The following ENOX1 variants were observed in gnomAD, a reference collection of about 807,000 sequenced individuals.
The protein encoded by ENOX1 is candidate growth-related and time keeping constitutive hydroquinone (NADH) oxidase.
In ENOX1, 42 loss-of-function variants were observed where a neutral mutation model predicts 82.5. The ratio of observed to expected loss-of-function variants is 0.51; its 90% confidence interval spans 0.40 to 0.66. ENOX1 has a LOEUF of 0.66. Among genes scored for constraint, ENOX1 ranks in the 30% least tolerant of loss-of-function variants. The pLI, the probability that ENOX1 is intolerant of heterozygous loss-of-function variation, is 0.00. For missense variants in ENOX1, 608 were observed against 811.6 expected, an observed-to-expected ratio of 0.75 and a Z score of 3.05; for synonymous variants, 271 against 282.2, an observed-to-expected ratio of 0.96 and a Z score of 0.40.
intron 2 of ENOX1, among the ~76,000 whole-genome samples, chr13:43,537,124 T>A (rs1425219194): frequency 6.6e-6 from 1 of 152,180 alleles, no homozygotes; most frequent in Admixed American, 6.5e-5. Context: ...AATGCAGAGC[T>A]AATAATTCAG....
intron 2 of ENOX1, among the ~76,000 whole-genome samples, chr13:43,621,929 T>C (rs2082749181): frequency 6.6e-6 from 1 of 152,228 alleles, no homozygotes; most frequent in African/African-American, 2.4e-5. Flanking sequence ...CCCAGACTTC[T>C]TGGATGCTCT....
intron 6 of ENOX1, among the ~76,000 whole-genome samples, chr13:43,360,553 A>G (rs1188392487): frequency 6.6e-6 from 1 of 152,200 alleles, no homozygotes; most frequent in East Asian, 1.9e-4. Flanking sequence ...CTTTGTTATT[A>G]TTCACATTTA....
chr13:43,727,020 G>A (rs914081440), intron 1 of ENOX1, among the ~76,000 whole-genome samples: 6 of 152,136 alleles, frequency 3.9e-5, no homozygotes, highest in Admixed American at 6.5e-5. Flanking sequence ...GGGATTACAG[G>A]CGTGTGCATG....
intron 2 of ENOX1, among the ~76,000 whole-genome samples, chr13:43,579,444 A>G (rs1182301220): frequency 6.6e-6 from 1 of 152,244 alleles, no homozygotes; most frequent in Admixed American, 6.5e-5. Context: ...GCTGAGAAGT[A>G]CACAGTACAC....
chr13:43,786,951 G>A lies in ENOX1; in HGVS notation c.-584C>T, dbSNP rs1365630334. ...TCCGCGGCTGGAGGCGCGCGGGCGT[G>A]CGCACGCGCGCCTGCGAGTGTGAGT... On this transcript the variant is annotated 5_prime_UTR_variant, in exon 1 of 17. Transcript: ENST00000690772. This position sits in a 1 kb window ranked among gnomAD's most constrained non-coding sequence, Gnocchi z 6.0. The A allele has an allele frequency of 6.6e-6, 1 of 150,780 alleles. No homozygotes were observed. Among genetic ancestry groups the A allele is most frequent in the Non-Finnish European group, 1.5e-5 (1 of 67,558 alleles). 9.3% of individuals were successfully genotyped at this position (150,780 alleles called of 1,614,324 possible). A position where few individuals can be genotyped will look rare whatever the true frequency, so the allele number is the denominator to read the frequency against.
At chr13:43,456,253 A>G (rs1170343048) in intron 3 of ENOX1, among the ~76,000 whole-genome samples, 1 of 151,810 alleles carries the variant, frequency 6.6e-6, no homozygotes, top group Non-Finnish European at 1.5e-5. Context: ...TTTGATCTCT[A>G]TATTTTATTC....
At chr13:43,646,350 T>C (rs2083894412) in intron 2 of ENOX1, among the ~76,000 whole-genome samples, 1 of 152,212 alleles carries the variant, frequency 6.6e-6, no homozygotes, top group Admixed American at 6.5e-5. Flanking sequence ...TAAATAAGTG[T>C]TTGCAGATGT....
intron 1 of ENOX1, among the ~76,000 whole-genome samples, 172 bp from the exon 2 acceptor site, chr13:43,667,716 A>G (rs2085055681): frequency 6.6e-6 from 1 of 152,192 alleles, no homozygotes; most frequent in African/African-American, 2.4e-5. Context: ...AGGTCTCCGC[A>G]TGGTGCTAAC....
At chr13:43,519,969 C>T (rs2077699974) in intron 2 of ENOX1, among the ~76,000 whole-genome samples, 2 of 152,098 alleles carry the variant, frequency 1.3e-5, no homozygotes, top group Admixed American at 6.6e-5. Flanking sequence ...TCCTTGAATG[C>T]TTTACCTTGC....
At chr13:43,554,884 C>G (rs565689940) in intron 2 of ENOX1, among the ~76,000 whole-genome samples, 1 of 152,152 alleles carries the variant, frequency 6.6e-6, no homozygotes, top group Admixed American at 6.6e-5. Context: ...CTGGCCCTAA[C>G]CAGGTTTTTT....
At chr13:43,330,815 T>C (rs2048370234) in intron 9 of ENOX1, among the ~76,000 whole-genome samples, 1 of 152,202 alleles carries the variant, frequency 6.6e-6, no homozygotes, top group Non-Finnish European at 1.5e-5. Context: ...CTTACACATA[T>C]GTATGTGTGG....
At chr13:43,699,274 T>C (rs992043689) in intron 1 of ENOX1, among the ~76,000 whole-genome samples, 2 of 152,182 alleles carry the variant, frequency 1.3e-5, no homozygotes, top group African/African-American at 4.8e-5. Flanking sequence ...CACTTCGTTT[T>C]TATACACTTC....
In ENOX1 at chr13:43,616,137, T is replaced by TAG. The variant is rs2082427257; in HGVS notation, c.-219+51341_-219+51342insCT. ...CTATAGATCTATAGATATCTATCTA[T>TAG]CTAGATATCTATATAGATAGATATC... is the stretch of plus-strand genomic sequence containing the variant. On this transcript the variant is annotated intron_variant, in intron 2 of 16. Coordinates refer to ENST00000690772, the MANE Select transcript of ENOX1 (RefSeq NM_001347969.2). Among the ~76,000 whole-genome samples the TAG allele has an allele frequency of 2.2e-4, 3 of 13,840 alleles. 1 individual carries two copies. Among genetic ancestry groups the TAG allele is most frequent in the Non-Finnish European group, 3.4e-4 (2 of 5,904 alleles). The allele number at this position is 13,840 out of a possible 152,430, so 9.1% of individuals were successfully genotyped here.
At chr13:43,551,066 A>C (rs1190044200) in intron 2 of ENOX1, among the ~76,000 whole-genome samples, 1 of 152,208 alleles carries the variant, frequency 6.6e-6, no homozygotes, top group Non-Finnish European at 1.5e-5. Flanking sequence ...GTAATTTTGC[A>C]TAACTCTTAA....
At chr13:43,269,088 C>T (rs1176658703) in intron 13 of ENOX1, among the ~76,000 whole-genome samples, 3 of 152,198 alleles carry the variant, frequency 2.0e-5, no homozygotes, top group African/African-American at 4.8e-5. Context: ...AGTCCTTGTT[C>T]ATGTGTCTGC....
intron 14 of ENOX1, among the ~76,000 whole-genome samples, chr13:43,241,384 A>G (rs1056176401): frequency 3.3e-5 from 5 of 152,310 alleles, no homozygotes; most frequent in Middle Eastern, 3.4e-3. Flanking sequence ...AGCAATTACA[A>G]AGTAGAAGTG....
intron 1 of ENOX1, among the ~76,000 whole-genome samples, chr13:43,705,475 A>G (rs757043567): frequency 1.4e-4 from 21 of 151,970 alleles, no homozygotes; most frequent in South Asian, 4.1e-4. Flanking sequence ...AAGTTTAAAA[A>G]AAAGAATGAA....
intron 3 of ENOX1, among the ~76,000 whole-genome samples, chr13:43,434,936 G>GT (rs1259674451): frequency 4.3e-4 from 29 of 67,844 alleles, no homozygotes; most frequent in African/African-American, 4.9e-4. Flanking sequence ...GTGTGTGTGT[G>GT]GTTTTTTTTT....
chr13:43,464,760 C>G (rs187588395), intron 3 of ENOX1, among the ~76,000 whole-genome samples: 250 of 152,244 alleles, frequency 1.6e-3, no homozygotes, highest in African/African-American at 5.8e-3. Context: ...CAACTCCAGA[C>G]TTCATTTGGA....
Sources: gnomAD v4.1 joint callset for allele counts (sites outside exome capture counted in the v4.1 genomes callset) on GRCh38, gnomAD v4.1.1 for gene constraint, Gnocchi (gnomAD v3.1) non-coding constraint, MANE v1.5 for transcripts, NCBI Gene and HGNC (gene_info 2026-07-23, HGNC 2026-07-21) for gene names.